The following ASIC2 variants were observed in gnomAD, a reference collection of about 807,000 sequenced individuals.
ASIC2 encodes acid sensing ion channel subunit 2, also known as acid-sensing ion channel 2.
ASIC2 carries 25 observed loss-of-function variants against 57.3 expected under a neutral mutation model. That is an observed-to-expected ratio of 0.44 (90% CI 0.32 to 0.61). The LOEUF is 0.61. Among genes scored for constraint, ASIC2 ranks in the 20% least tolerant of loss-of-function variants. The probability of loss-of-function intolerance (pLI) is 0.06; values close to 1 mark genes in which losing one functional copy is unlikely to be tolerated. For missense variants in ASIC2, 641 were observed against 738.1 expected, an observed-to-expected ratio of 0.87 and a Z score of 1.52; for synonymous variants, 319 against 307.5, an observed-to-expected ratio of 1.04 and a Z score of -0.39.
intron 3 of ASIC2, among the ~76,000 whole-genome samples, chr17:33,054,644 G>C (rs2091990664): frequency 6.6e-6 from 1 of 152,188 alleles, no homozygotes; most frequent in Non-Finnish European, 1.5e-5. Flanking sequence ...TATGGTGCAG[G>C]TTTAGCAAAT....
In ASIC2 at chr17:33,755,979, G is replaced by A. The variant is rs557039296; in HGVS notation, c.555+399999C>T. ...GGGGAAGGGAGTGGGCATCATGACC[G>A]GGAACATTTGCTCCAATCTTGCTAA... On this transcript the variant is annotated intron_variant, in intron 1 of 9. Transcript: ENST00000359872. Among the ~76,000 whole-genome samples, 14 of 152,300 alleles carry A rather than the reference G, an allele frequency of 9.2e-5. No individual in the cohort carries two copies. The East Asian group carries it at 1.2e-3, about 13-fold the overall frequency.
At chr17:34,070,124 C>T (rs1909342729) in intron 1 of ASIC2, 1 of 152,086 alleles carries the variant, frequency 6.6e-6, no homozygotes. Flanking sequence ...GTTCGCAAAG[C>T]AATCTCCACT....
intron 1 of ASIC2, among the ~76,000 whole-genome samples, chr17:34,115,179 C>G (rs940040386): frequency 6.6e-6 from 1 of 152,200 alleles, no homozygotes; most frequent in Non-Finnish European, 1.5e-5. Context: ...ACCGACTATC[C>G]AAGTGGATAG....
chr17:33,748,717 C>A (rs574720394), intron 1 of ASIC2, among the ~76,000 whole-genome samples: 1 of 152,220 alleles, frequency 6.6e-6, no homozygotes, highest in African/African-American at 2.4e-5. Context: ...CTCTGAGCTG[C>A]CTTACGGCTC....
At chr17:33,583,571 C>CT (rs1204821958) in intron 1 of ASIC2, among the ~76,000 whole-genome samples, 1 of 152,194 alleles carries the variant, frequency 6.6e-6, no homozygotes, top group Non-Finnish European at 1.5e-5. Flanking sequence ...GTATTCAGCT[C>CT]TAAGCATCAG....
intron 1 of ASIC2, among the ~76,000 whole-genome samples, chr17:34,152,112 C>T (rs1156895536): frequency 6.6e-6 from 1 of 152,094 alleles, no homozygotes; most frequent in Non-Finnish European, 1.5e-5. Flanking sequence ...TAAACCTTCA[C>T]CTCCACCATC....
At chr17:33,455,190 A>G (rs974623921) in intron 1 of ASIC2, among the ~76,000 whole-genome samples, 3 of 151,514 alleles carry the variant, frequency 2.0e-5, no homozygotes. Context: ...TTATTTTGTC[A>G]TTTTTCCAAC....
chr17:33,553,464 ATTGT>A (rs1231154539), intron 1 of ASIC2, among the ~76,000 whole-genome samples: 11 of 151,458 alleles, frequency 7.3e-5, no homozygotes, highest in South Asian at 6.3e-4. Context: ...GATAAAGGAG[ATTGT>A]TTGGGAGGCA....
At chr17:33,819,844 T>C (rs2141892228) in intron 1 of ASIC2, among the ~76,000 whole-genome samples, 1 of 152,352 alleles carries the variant, frequency 6.6e-6, no homozygotes, top group East Asian at 1.9e-4. Context: ...GACATTGCTA[T>C]CATTATTCTT....
At chr17:33,895,458 T>C (rs1008086674) in intron 1 of ASIC2, among the ~76,000 whole-genome samples, 2 of 152,182 alleles carry the variant, frequency 1.3e-5, no homozygotes, top group African/African-American at 2.4e-5. Context: ...TTTTCTTCCA[T>C]GTCATGTGTT....
chr17:33,099,454 G>C lies in ASIC2; in HGVS notation c.860-10464C>G, dbSNP rs193253966. Among the ~76,000 whole-genome samples the C allele has an allele frequency of 3.2e-3, 493 of 152,332 alleles. 3 individuals carry two copies. The highest frequency in any genetic ancestry group is 0.012 in the African/African-American group (481 of 41,584). On this transcript the variant is annotated intron_variant, in intron 2 of 9. Coordinates refer to ENST00000225823, the MANE Select transcript of ASIC2 (RefSeq NM_183377.2). ...TGTGGGGTGATGCGTCCATGTTGGG[G>C]AAGGAGATAGTTAATGTTAGGTCTT...
chr17:33,070,183 T>A (rs2092062544), intron 3 of ASIC2, among the ~76,000 whole-genome samples: 1 of 152,236 alleles, frequency 6.6e-6, no homozygotes, highest in Non-Finnish European at 1.5e-5. Context: ...ACGATATTGC[T>A]GTCATTTATT....
chr17:33,716,418 C>A (rs1909220283), intron 1 of ASIC2, among the ~76,000 whole-genome samples: 1 of 152,192 alleles, frequency 6.6e-6, no homozygotes, highest in Non-Finnish European at 1.5e-5. Flanking sequence ...GAAGGGCCTG[C>A]AATGGAGAGG....
At chr17:33,237,193 T>C (rs1045849430) in intron 1 of ASIC2, among the ~76,000 whole-genome samples, 1 of 152,154 alleles carries the variant, frequency 6.6e-6, no homozygotes, top group African/African-American at 2.4e-5. Flanking sequence ...GAAGTTATTG[T>C]TGGCTTCCAA....
intron 1 of ASIC2, among the ~76,000 whole-genome samples, chr17:33,537,298 T>G (rs1400156823): frequency 6.6e-6 from 1 of 152,140 alleles, no homozygotes; most frequent in Admixed American, 6.5e-5. Context: ...CCCCTTGATC[T>G]TCATATAATT....
chr17:33,467,047 G>A (rs934806669), intron 1 of ASIC2, among the ~76,000 whole-genome samples: 6 of 152,202 alleles, frequency 3.9e-5, no homozygotes, highest in Admixed American at 3.9e-4. Flanking sequence ...TACCATCAGA[G>A]TGAACAGGCA....
chr17:33,356,714 A>G (rs1340509607), intron 1 of ASIC2, among the ~76,000 whole-genome samples: 1 of 152,140 alleles, frequency 6.6e-6, no homozygotes, highest in Non-Finnish European at 1.5e-5. Flanking sequence ...CACAATTTGG[A>G]TGGAGCGCCT....
intron 1 of ASIC2, among the ~76,000 whole-genome samples, chr17:33,564,682 A>T (rs1304624901): frequency 6.6e-6 from 1 of 152,232 alleles, no homozygotes; most frequent in Non-Finnish European, 1.5e-5. Context: ...AAATCTGGCC[A>T]TAAACTGGCC....
chr17:33,877,324 G>T (rs919099944), intron 1 of ASIC2, among the ~76,000 whole-genome samples: 4 of 152,188 alleles, frequency 2.6e-5, no homozygotes, highest in African/African-American at 9.7e-5. Context: ...GCAAGGCATC[G>T]CCTCGCCCGG....
Sources: gnomAD v4.1 joint callset for allele counts (sites outside exome capture counted in the v4.1 genomes callset) on GRCh38, gnomAD v4.1.1 for gene constraint, MANE v1.5 for transcripts, NCBI Gene and HGNC (gene_info 2026-07-23, HGNC 2026-07-21) for gene names.